Variants in ASXL2 observed in about 807,000 individuals in gnomAD.
ASXL2 encodes the protein putative Polycomb group protein ASXL2.
ASXL2 carries 23 observed loss-of-function variants against 122.0 expected under a neutral mutation model. The observed-to-expected ratio is 0.19, with a 90% CI of 0.14 to 0.27. The LOEUF (loss-of-function observed/expected upper bound fraction) is 0.27. ASXL2 is among the 10% of genes least tolerant of loss of function. The pLI, the probability that ASXL2 is intolerant of heterozygous loss-of-function variation, is 1.00. For synonymous variants in ASXL2, 650 were observed against 637.0 expected, an observed-to-expected ratio of 1.02 and a Z score of -0.31; for missense variants, 1,518 against 1,713.8, an observed-to-expected ratio of 0.89 and a Z score of 2.02.
At chr2:25,797,779 G>A (rs1013050040) in intron 5 of ASXL2, among the ~76,000 whole-genome samples, 2 of 152,174 alleles carry the variant, frequency 1.3e-5, no homozygotes, top group African/African-American at 2.4e-5. Flanking sequence ...ATCCACTGCT[G>A]GTGCAAATGC....
chr2:25,755,046 G>A (rs73922461), intron 10 of ASXL2, among the ~76,000 whole-genome samples: 9,498 of 152,178 alleles, frequency 0.062, 358 homozygotes, highest in African/African-American at 0.1. Flanking sequence ...TTCCTAATGC[G>A]TTCCTTACAA....
At chr2:25,794,437 G>A (rs570160029) in intron 5 of ASXL2, among the ~76,000 whole-genome samples, 16 of 152,208 alleles carry the variant, frequency 1.1e-4, no homozygotes, top group South Asian at 8.3e-4. Context: ...AGTGATTTTC[G>A]TATTCATTTT....
intron 8 of ASXL2, among the ~76,000 whole-genome samples, chr2:25,766,678 AT>A (rs1019505959): frequency 6.6e-6 from 1 of 152,190 alleles, no homozygotes; most frequent in African/African-American, 2.4e-5. Flanking sequence ...TGTTAGTAGC[AT>A]TTTGGAAGCC....
intron 2 of ASXL2, among the ~76,000 whole-genome samples, chr2:25,839,289 C>G (rs1464270376): frequency 6.6e-6 from 1 of 152,086 alleles, no homozygotes; most frequent in African/African-American, 2.4e-5. Flanking sequence ...CAACAAAATT[C>G]TTTTTACTAT....
chr2:25,875,107 A>G lies in ASXL2; in HGVS notation c.57+3059T>C, dbSNP rs114124405. 4.2e-3 allele frequency among the ~76,000 whole-genome samples: 635 copies of G among 152,240 alleles called. 2 individuals are homozygous for G. The highest frequency in any genetic ancestry group is 7.3e-3 in the Non-Finnish European group (494 of 68,006). On this transcript the variant is annotated intron_variant, in intron 1 of 12. Transcript: ENST00000435504. ...AAAAAGAAAAAGTAAAACATGTGAA[A>G]CTGTTAACTAAATACTAGAATGCTT...
Position 25,742,374 on chromosome 2 carries a change from G to A in ASXL2, c.3963C>T (p.Thr1321=), listed in dbSNP as rs1466731921. ...TGCCTCTATAGCTTGGCCCTATCTG[G>A]GTGGGGCTTCCATACAACTTCGGGG... is the stretch of plus-strand genomic sequence containing the variant. The part of the protein sequence containing the change: ...LQTPKLYGSP[T]QIGPSYRGMI... The change falls in exon 13 of 13, where the codon ACC becomes ACT. Residue 1321 remains threonine (T), a synonymous_variant. Transcript: ENST00000435504. 1 of 1,612,758 alleles carries A rather than the reference G, an allele frequency of 6.2e-7. No homozygotes were observed.
At chr2:25,832,597 C>A (rs774126799) in intron 3 of ASXL2, among the ~76,000 whole-genome samples, 26 of 151,972 alleles carry the variant, frequency 1.7e-4, no homozygotes, top group Non-Finnish European at 3.4e-4. Flanking sequence ...CTAAACTATG[C>A]AGTTTACAAG....
Position 25,733,754 on chromosome 2 carries a change from A to G in ASXL2, c.*8275T>C, listed in dbSNP as rs1309218354. 6.6e-6 allele frequency: 1 copy of G among 152,252 alleles called. No homozygotes were observed. The highest frequency in any genetic ancestry group is 6.5e-5 in the Admixed American group (1 of 15,288). 9.4% of individuals were successfully genotyped at this position (152,252 alleles called of 1,614,324 possible). A position where few individuals can be genotyped will look rare whatever the true frequency, so the allele number is the denominator to read the frequency against. The stretch of plus-strand genomic sequence containing the variant: ...TTGGAAAAGAAAAGGCATAGTCGCT[A>G]GGGTAAAACTGTATGCCTTTATTCA... On this transcript the variant is annotated 3_prime_UTR_variant, in exon 13 of 13. Coordinates refer to ENST00000435504, the MANE Select transcript of ASXL2 (RefSeq NM_018263.6).
At chr2:25,795,311 T>C (rs914133324) in intron 5 of ASXL2, among the ~76,000 whole-genome samples, 3 of 152,152 alleles carry the variant, frequency 2.0e-5, no homozygotes, top group Admixed American at 1.3e-4. Context: ...TCAAAAACAA[T>C]TGGACCCAAT....
intron 1 of ASXL2, among the ~76,000 whole-genome samples, chr2:25,863,328 C>CAAAAAAAAAAAAAAAAAAAA: frequency 7.0e-6 from 1 of 142,042 alleles, no homozygotes; most frequent in African/African-American, 2.6e-5. Context: ...GACTCCATCT[C>CAAAAAAAAAAAAAAAAAAAA]CAAAAAAAAA....
At chr2:25,877,879 A>G (rs1025913402) in intron 1 of ASXL2, among the ~76,000 whole-genome samples, 2 of 152,194 alleles carry the variant, frequency 1.3e-5, no homozygotes, top group Non-Finnish European at 2.9e-5. Flanking sequence ...GGCGAGGGCT[A>G]CCACAGAGCG....
intron 5 of ASXL2, 79 bp from the exon 6 acceptor site, chr2:25,771,619 C>A: frequency 1.7e-6 from 2 of 1,149,020 alleles, no homozygotes; most frequent in South Asian, 2.9e-5. Flanking sequence ...TCATATGCTG[C>A]TACCTGGAGT....
rs769831579 is a variant in ASXL2 at position 25,750,249 on chromosome 2, A to G, written c.1307T>C (p.Leu436Ser). The change falls in exon 12 of 13, where the codon TTG becomes TCG. Residue 436 changes from leucine to serine, a missense_variant. By Grantham distance (145) the Leu-to-Ser change is moderately radical. This residue lies in a region of ASXL2 where 292 missense variants were observed against 293.5 expected (regional missense o/e 1.00). Coordinates refer to ENST00000435504, the MANE Select transcript of ASXL2 (RefSeq NM_018263.6). ...VSQSECKEEA[L>S]QMSSPGRKEE... ...TTTTCTGCCTGGTGATGACATTTGCAATGCTTCTTCTTTACACTCTGACTG... is the reference window on the plus strand; with the variant it reads ...TTTTCTGCCTGGTGATGACATTTGCGATGCTTCTTCTTTACACTCTGACTG... The G allele has an allele frequency of 6.2e-7, 1 of 1,613,966 alleles. No homozygotes were observed. Among genetic ancestry groups the G allele is most frequent in the Non-Finnish European group, 8.5e-7 (1 of 1,179,886 alleles).
chr2:25,778,803 C>A (rs1037157762), intron 5 of ASXL2, among the ~76,000 whole-genome samples: 1 of 152,134 alleles, frequency 6.6e-6, no homozygotes, highest in Non-Finnish European at 1.5e-5. Flanking sequence ...TCTTACATAA[C>A]TTTTGGCCCA....
Position 25,878,196 on chromosome 2 carries a change from C to T in ASXL2, c.27G>A (p.Lys9=), listed in dbSNP as rs1157399830. 3.7e-6 allele frequency: 6 copies of T among 1,613,916 alleles called. No individual in the cohort carries two copies. The highest frequency in any genetic ancestry group is 5.1e-6 in the Non-Finnish European group (6 of 1,179,862). Residue 9 remains lysine, a synonymous_variant, in exon 1 of 13, where the codon AAG becomes AAA. Transcript: ENST00000435504. ...TGGCGGCCTCCGCCCAGGTCCTGCC[C>T]TTCTTCCTACGTCCCTTTTCCCTCA... MREKGRRK[K]GRTWAEAAKT... is the part of the protein sequence containing the mutation.
At position 25,734,363 on chromosome 2, in the gene ASXL2, C is replaced by CT. The variant is rs1474330174; in HGVS notation, c.*7665dup. On this transcript the variant is annotated 3_prime_UTR_variant, in exon 13 of 13. Coordinates refer to ENST00000435504, the MANE Select transcript of ASXL2 (RefSeq NM_018263.6). ...TATGTAGGTTAAGCTGGGGTCACTA[C>CT]TGAAGAAGTCTCCAAACTACTGAAA... 2.0e-5 allele frequency: 3 copies of CT among 152,148 alleles called. No homozygotes were observed. The highest frequency in any genetic ancestry group is 7.2e-5 in the African/African-American group (3 of 41,442). 9.4% of individuals were successfully genotyped at this position (152,148 alleles called of 1,614,324 possible). A position where few individuals can be genotyped will look rare whatever the true frequency, so the allele number is the denominator to read the frequency against.
rs2087790618 is a variant in ASXL2 at position 25,739,419 on chromosome 2, C to T, written c.*2610G>A. The stretch of plus-strand genomic sequence containing the variant: ...TTCAGCTTTTAAGATGAATGGCTTT[C>T]CACTTGAAACCTCTGTGTTGAAACC... On this transcript the variant is annotated 3_prime_UTR_variant, in exon 13 of 13. Transcript: ENST00000435504. 3 of 176,860 alleles carry T rather than the reference C, an allele frequency of 1.7e-5. No homozygotes were observed. The highest frequency in any genetic ancestry group is 3.6e-5 in the Non-Finnish European group (3 of 83,282). 11.0% of individuals were successfully genotyped at this position (176,860 alleles called of 1,614,324 possible).
Position 25,749,943 on chromosome 2 carries a change from A to G in ASXL2, c.1613T>C (p.Val538Ala), listed in dbSNP as rs370526996. The change falls in exon 12 of 13, where the codon GTG (valine) becomes GCG (alanine). Residue 538 changes from valine (V) to alanine (A), a missense_variant. Coordinates refer to ENST00000435504, the MANE Select transcript of ASXL2 (RefSeq NM_018263.6). ...PKSPGVEKPIVKPTAGAGPQE... is the reference protein window; with the variant it reads ...PKSPGVEKPIAKPTAGAGPQE... ...TGGACCCGCTCCTGCTGTGGGCTTC[A>G]CTATTGGTTTTTCAACCCCAGGACT... is the stretch of plus-strand genomic sequence containing the variant. 6.2e-7 allele frequency: 1 copy of G among 1,613,796 alleles called. No individual in the cohort carries two copies. The highest frequency in any genetic ancestry group is 8.5e-7 in the Non-Finnish European group (1 of 1,179,888).
intron 5 of ASXL2, 68 bp from the exon 6 acceptor site, chr2:25,771,608 A>C (rs1199113306): frequency 7.9e-7 from 1 of 1,260,870 alleles, no homozygotes; most frequent in African/African-American, 1.5e-5. Flanking sequence ...TCCTTCCCCA[A>C]TCATATGCTG....
Sources: allele counts gnomAD v4.1 joint callset (sites outside exome capture counted in the v4.1 genomes callset), GRCh38; gene constraint gnomAD v4.1.1; regional missense constraint gnomAD v4.1.1; transcripts MANE v1.5; gene names NCBI Gene and HGNC (gene_info 2026-07-23, HGNC 2026-07-21).